Variants in AUTS2 observed in about 807,000 individuals in gnomAD.
AUTS2 encodes the protein autism susceptibility gene 2 protein.
Under a neutral mutation model 112.4 loss-of-function variants are expected in AUTS2, and 17 were observed. The ratio of observed to expected loss-of-function variants is 0.15; its 90% CI spans 0.10 to 0.23. The LOEUF is 0.23. Among genes scored for constraint, AUTS2 ranks in the 10% least tolerant of loss-of-function variants. The probability of loss-of-function intolerance (pLI) is 1.00; values close to 1 mark genes in which losing one functional copy is unlikely to be tolerated. For synonymous variants in AUTS2, 751 were observed against 702.7 expected, an observed-to-expected ratio of 1.07 and a Z score of -1.09; for missense variants, 1,510 against 1,701.6, an observed-to-expected ratio of 0.89 and a Z score of 1.98.
chr7:69,779,047 TTTTAAAAAA>T (rs1789024811), intron 1 of AUTS2, among the ~76,000 whole-genome samples: 1 of 141,102 alleles, frequency 7.1e-6, no homozygotes, highest in Admixed American at 6.9e-5. Flanking sequence ...GCCTTTTTTT[TTTTAAAAAA>T]AAAAAAAAAA....
At chr7:70,361,863 A>G (rs1005484981) in intron 4 of AUTS2, among the ~76,000 whole-genome samples, 2 of 152,152 alleles carry the variant, frequency 1.3e-5, no homozygotes, top group Middle Eastern at 3.2e-3. Context: ...CTTCAAGAAG[A>G]TAAGTTTTAT....
At chr7:70,546,734 A>G (rs1453677675) in intron 5 of AUTS2, among the ~76,000 whole-genome samples, 2 of 151,178 alleles carry the variant, frequency 1.3e-5, no homozygotes, top group Non-Finnish European at 3.0e-5. Context: ...AGCTGAGATC[A>G]TGCCACTGCA....
chr7:70,725,268 GGAAGGTCCATTGTCA>G (rs1786960482), intron 6 of AUTS2, among the ~76,000 whole-genome samples: 1 of 152,114 alleles, frequency 6.6e-6, no homozygotes, highest in African/African-American at 2.4e-5. Context: ...TGAACATAAG[GGAAGGTCCATTGTCA>G]GCACCCTGAA....
At chr7:69,830,244 C>T (rs1791440127) in intron 1 of AUTS2, among the ~76,000 whole-genome samples, 1 of 151,894 alleles carries the variant, frequency 6.6e-6, no homozygotes, top group Non-Finnish European at 1.5e-5. Flanking sequence ...TGGGAGGAGG[C>T]AAGGGGAAGG....
intron 15 of AUTS2, chr7:70,783,864 A>G (rs1791256293): frequency 6.6e-6 from 1 of 152,050 alleles, no homozygotes; most frequent in Non-Finnish European, 1.5e-5. Context: ...CGTATTAACA[A>G]GCCCATTTGG....
intron 1 of AUTS2, among the ~76,000 whole-genome samples, chr7:69,723,662 G>A (rs1432369465): frequency 6.6e-6 from 1 of 152,114 alleles, no homozygotes; most frequent in Non-Finnish European, 1.5e-5. Context: ...ATAGCCACTG[G>A]CATTTCTAAG....
intron 1 of AUTS2, among the ~76,000 whole-genome samples, chr7:69,785,436 T>TGA (rs1364997295): frequency 6.6e-6 from 1 of 152,392 alleles, no homozygotes; most frequent in African/African-American, 2.4e-5. Context: ...AGTAGATGTT[T>TGA]GGCTGTTTTT....
At chr7:69,985,130 C>T (rs1467731044) in intron 2 of AUTS2, among the ~76,000 whole-genome samples, 1 of 150,978 alleles carries the variant, frequency 6.6e-6, no homozygotes, top group African/African-American at 2.4e-5. Context: ...CTGTGGGAGC[C>T]TGAGGCAGGA....
intron 4 of AUTS2, among the ~76,000 whole-genome samples, chr7:70,426,926 T>G (rs1172043306): frequency 6.6e-6 from 1 of 152,162 alleles, no homozygotes; most frequent in Non-Finnish European, 1.5e-5. Flanking sequence ...ATCAGCAAAT[T>G]TGGGTTTTAT....
chr7:69,858,561 A>C (rs757754392), intron 1 of AUTS2, among the ~76,000 whole-genome samples: 11 of 152,174 alleles, frequency 7.2e-5, no homozygotes, highest in Non-Finnish European at 1.2e-4. Context: ...CTATAAATTT[A>C]AATGCTTCCC....
Position 70,766,142 on chromosome 7 carries a change from C to T in AUTS2, c.1497C>T (p.Asn499=), listed in dbSNP as rs748304570. The T allele has an allele frequency of 6.2e-7, 1 of 1,614,138 alleles. No individual in the cohort carries two copies. Among genetic ancestry groups the T allele is most frequent in the South Asian group, 1.1e-5 (1 of 91,076 alleles). ...AAGACATCTTGCGACAGGAACTGAA[C>T]ACTCGTTTTTTGGCCTCTCAGAGTG... is the stretch of plus-strand genomic sequence containing the variant. ...SEQDILRQEL[N]TRFLASQSAD... is the part of the protein sequence containing the mutation. Residue 499 remains asparagine (N), a synonymous_variant, in exon 9 of 19, where the codon AAC becomes AAT. Transcript: ENST00000342771. This position sits in a 1 kb window ranked among gnomAD's most constrained non-coding sequence, Gnocchi z 4.8.
chr7:70,268,461 C>A (rs995789326), intron 4 of AUTS2, among the ~76,000 whole-genome samples: 1 of 152,280 alleles, frequency 6.6e-6, no homozygotes, highest in Non-Finnish European at 1.5e-5. Flanking sequence ...ACGATAGGGA[C>A]CATTATTTGT....
At chr7:70,482,618 G>T (rs994211533) in intron 5 of AUTS2, among the ~76,000 whole-genome samples, 1 of 152,242 alleles carries the variant, frequency 6.6e-6, no homozygotes, top group South Asian at 2.1e-4. Context: ...GAGGGATTTG[G>T]GGGGAGGGCC....
intron 5 of AUTS2, among the ~76,000 whole-genome samples, chr7:70,467,143 C>T (rs1034109938): frequency 3.3e-5 from 5 of 152,172 alleles, no homozygotes; most frequent in Non-Finnish European, 7.3e-5. Flanking sequence ...TTGAGATAAA[C>T]GTCTGACTTC....
At chr7:70,723,573 T>A (rs1046897824) in intron 6 of AUTS2, among the ~76,000 whole-genome samples, 2 of 151,984 alleles carry the variant, frequency 1.3e-5, no homozygotes, top group Non-Finnish European at 2.9e-5. Context: ...GCGCCCGCTG[T>A]ACAGATTGTC....
intron 2 of AUTS2, among the ~76,000 whole-genome samples, chr7:69,976,489 G>T (rs550047941): frequency 6.6e-6 from 1 of 152,272 alleles, no homozygotes; most frequent in South Asian, 2.1e-4. Context: ...TATGTATGTA[G>T]AAGTGGGATT....
intron 4 of AUTS2, among the ~76,000 whole-genome samples, chr7:70,218,677 G>T (rs2129591092): frequency 6.6e-6 from 1 of 152,300 alleles, no homozygotes; most frequent in Middle Eastern, 3.4e-3. Flanking sequence ...TTCACAAAGT[G>T]TGCGATAATG....
chr7:70,698,379 AAAT>A (rs1181106052), intron 5 of AUTS2, among the ~76,000 whole-genome samples, 187 bp from the exon 6 acceptor site: 2 of 152,122 alleles, frequency 1.3e-5, no homozygotes, highest in Non-Finnish European at 1.5e-5. Flanking sequence ...TCCCCCCAGC[AAAT>A]AGCTGCACTG....
At chr7:69,719,349 C>T (rs980042025) in intron 1 of AUTS2, among the ~76,000 whole-genome samples, 1 of 152,130 alleles carries the variant, frequency 6.6e-6, no homozygotes, top group Non-Finnish European at 1.5e-5. Context: ...GACTTCTCTC[C>T]ATCCTGTTCC....
Sources: gnomAD v4.1 joint callset for allele counts (sites outside exome capture counted in the v4.1 genomes callset) on GRCh38, gnomAD v4.1.1 for gene constraint, Gnocchi (gnomAD v3.1) non-coding constraint, MANE v1.5 for transcripts, NCBI Gene and HGNC (gene_info 2026-07-23, HGNC 2026-07-21) for gene names.